The following EIF4G3 variants were observed in gnomAD, a reference collection of about 807,000 sequenced individuals.
The protein encoded by EIF4G3 is eukaryotic translation initiation factor 4 gamma 3.
In EIF4G3, 34 loss-of-function variants were observed where a neutral mutation model predicts 186.4. The observed-to-expected ratio is 0.18, with a 90% CI of 0.14 to 0.24. EIF4G3 has a LOEUF of 0.24. EIF4G3 is among the 10% of genes least tolerant of loss of function. The pLI, the probability that EIF4G3 is intolerant of heterozygous loss-of-function variation, is 1.00. For synonymous variants in EIF4G3, 673 were observed against 679.5 expected (o/e 0.99, Z 0.15); for missense variants, 1,536 against 1,948.5 (o/e 0.79, Z 3.99).
At chr1:21,067,559 G>C (rs2095291080) in intron 3 of EIF4G3, among the ~76,000 whole-genome samples, 1 of 151,948 alleles carries the variant, frequency 6.6e-6, no homozygotes, top group African/African-American at 2.4e-5. Flanking sequence ...TACCATGATG[G>C]GTAGAAAAAG....
chr1:21,174,447 T>TA (rs2098059934), intron 2 of EIF4G3, among the ~76,000 whole-genome samples: 2 of 152,222 alleles, frequency 1.3e-5, no homozygotes, highest in Non-Finnish European at 2.9e-5. Context: ...GGACACCTAC[T>TA]ACAGGTTTCC....
intron 12 of EIF4G3, among the ~76,000 whole-genome samples, chr1:20,960,749 C>A (rs1268710923): frequency 6.6e-6 from 1 of 152,064 alleles, no homozygotes; most frequent in African/African-American, 2.4e-5. Context: ...ACAGACAAGA[C>A]CCTGTCTCAA....
chr1:21,056,122 T>C (rs1401518102), intron 3 of EIF4G3, among the ~76,000 whole-genome samples: 1 of 152,162 alleles, frequency 6.6e-6, no homozygotes, highest in African/African-American at 2.4e-5. Context: ...CTTTCAGGGG[T>C]ATATCCCTAT....
chr1:20,857,268 A>T lies in EIF4G3; in HGVS notation c.3339+135T>A, dbSNP rs2075239059. 9 of 709,182 alleles carry T rather than the reference A, an allele frequency of 1.3e-5. No individual in the cohort carries two copies. In the East Asian group the frequency reaches 2.3e-4, roughly 18 times the overall value. The allele number at this position is 709,182 out of a possible 1,614,324, so 43.9% of individuals were successfully genotyped here. A position where few individuals can be genotyped will look rare whatever the true frequency, so the allele number is the denominator to read the frequency against. On this transcript the variant is annotated intron_variant, in intron 25 of 36. Coordinates refer to ENST00000602326, the MANE Select transcript of EIF4G3 (RefSeq NM_001391906.1). ...AAAAATAACCACCCCATGGATTTGCAATATTGCTGTTTTACTTTAATAAGT... is the reference window on the plus strand; with the variant it reads ...AAAAATAACCACCCCATGGATTTGCTATATTGCTGTTTTACTTTAATAAGT...
At chr1:21,052,899 C>T (rs1356179210) in intron 3 of EIF4G3, among the ~76,000 whole-genome samples, 2 of 152,260 alleles carry the variant, frequency 1.3e-5, no homozygotes, top group Non-Finnish European at 2.9e-5. Flanking sequence ...GGTGCCCAGG[C>T]TGGAGTGCAG....
chr1:21,016,900 C>T (rs577891515), intron 4 of EIF4G3, among the ~76,000 whole-genome samples: 3 of 150,412 alleles, frequency 2.0e-5, no homozygotes, highest in Admixed American at 6.6e-5. Context: ...ACCCAGGAGG[C>T]GGAGGTTGCA....
Position 21,089,169 on chromosome 1 carries a change from A to C in EIF4G3, c.-227T>G, listed in dbSNP as rs1280703513. The C allele has an allele frequency of 1.4e-6, 1 of 717,440 alleles. No individual in the cohort carries two copies. The allele number at this position is 717,440 out of a possible 1,614,324, so 44.4% of individuals were successfully genotyped here. On this transcript the variant is annotated 5_prime_UTR_variant, in exon 3 of 37. Coordinates refer to ENST00000602326, the MANE Select transcript of EIF4G3 (RefSeq NM_001391906.1). Reference sequence around the variant, plus strand: ...GTAGACTGCTGAGACAGCGGGAGTGAAGATTCGATCCTCAAGAGGTTGTTG... The same window carrying C: ...GTAGACTGCTGAGACAGCGGGAGTGCAGATTCGATCCTCAAGAGGTTGTTG...
chr1:20,923,347 T>C (rs1269778418), intron 14 of EIF4G3, among the ~76,000 whole-genome samples: 1 of 152,176 alleles, frequency 6.6e-6, no homozygotes, highest in Non-Finnish European at 1.5e-5. Flanking sequence ...CAAAGATGAC[T>C]CCAATGAGAC....
At chr1:20,848,008 C>T in intron 29 of EIF4G3, 1 of 354,480 alleles carries the variant, frequency 2.8e-6, no homozygotes, top group South Asian at 2.2e-5. Flanking sequence ...ACTCTGTCAC[C>T]CAGGATGGAA....
intron 2 of EIF4G3, among the ~76,000 whole-genome samples, chr1:21,169,063 T>G (rs2097910522): frequency 6.6e-6 from 1 of 151,534 alleles, no homozygotes; most frequent in Admixed American, 6.6e-5. Flanking sequence ...CCGAGCTCCT[T>G]GGGAGGCTGA....
intron 3 of EIF4G3, among the ~76,000 whole-genome samples, chr1:21,080,287 C>T (rs2095729734): frequency 6.6e-6 from 1 of 150,800 alleles, no homozygotes; most frequent in South Asian, 2.1e-4. Flanking sequence ...CTGCACTCCA[C>T]CATGGGCAAC....
chr1:21,015,270 G>A (rs1334520704), intron 4 of EIF4G3, among the ~76,000 whole-genome samples: 2 of 151,978 alleles, frequency 1.3e-5, no homozygotes, highest in Non-Finnish European at 1.5e-5. Context: ...TAACAGAACC[G>A]AAGGGACTTA....
intron 2 of EIF4G3, among the ~76,000 whole-genome samples, chr1:21,132,406 GTTCT>G (rs1157153426): frequency 6.6e-6 from 1 of 152,018 alleles, no homozygotes; most frequent in Non-Finnish European, 1.5e-5. Context: ...AAAAGAAAAG[GTTCT>G]TTCTGAATAG....
At chr1:20,889,945 T>C (rs911140694) in intron 18 of EIF4G3, among the ~76,000 whole-genome samples, 3 of 152,080 alleles carry the variant, frequency 2.0e-5, no homozygotes, top group Non-Finnish European at 2.9e-5. Context: ...AAATATTTTA[T>C]AGCAAGTCTG....
In EIF4G3 at chr1:21,101,290, G is replaced by A. The variant is rs541664520; in HGVS notation, c.-271-12077C>T. Among the ~76,000 whole-genome samples, 465 of 151,996 alleles carry A rather than the reference G, an allele frequency of 3.1e-3. 2 individuals carry two copies. Among genetic ancestry groups the A allele is most frequent in the African/African-American group, 0.01 (432 of 41,516 alleles). On this transcript the variant is annotated intron_variant, in intron 2 of 36. Coordinates refer to ENST00000602326, the MANE Select transcript of EIF4G3 (RefSeq NM_001391906.1). ...GCAGGATAAAATATGCAATAGGGCC[G>A]AGCACGGTGGCTCACGCCAGTAAAC...
chr1:20,810,134 A>G lies in EIF4G3; in HGVS notation c.4744+604T>C, dbSNP rs946176657. On this transcript the variant is annotated intron_variant, in intron 36 of 36. Transcript: ENST00000602326. The surrounding 1 kb of genome is among the most constrained non-coding windows in gnomAD (Gnocchi z 4.1). ...TGGGACTACAGGCACATGCCACCACACCTAGCCAATTTTTGTATTTTTGTA... is the reference window on the plus strand; with the variant it reads ...TGGGACTACAGGCACATGCCACCACGCCTAGCCAATTTTTGTATTTTTGTA... 2.0e-5 allele frequency among the ~76,000 whole-genome samples: 3 copies of G among 147,636 alleles called. No homozygotes were observed. The highest frequency in any genetic ancestry group is 6.8e-5 in the Admixed American group (1 of 14,806).
intron 30 of EIF4G3, among the ~76,000 whole-genome samples, chr1:20,838,447 A>G (rs2067412693): frequency 6.6e-6 from 1 of 152,236 alleles, no homozygotes; most frequent in African/African-American, 2.4e-5. Context: ...AGGAAATTAT[A>G]GTTTCAAGTC....
At chr1:20,903,580 G>A (rs373582122) in intron 15 of EIF4G3, among the ~76,000 whole-genome samples, 2 of 152,286 alleles carry the variant, frequency 1.3e-5, no homozygotes, top group African/African-American at 4.8e-5. Flanking sequence ...GGAGTGCAAT[G>A]ACTATTTGCA....
At chr1:21,019,378 C>A (rs1013257045) in intron 4 of EIF4G3, among the ~76,000 whole-genome samples, 1 of 152,168 alleles carries the variant, frequency 6.6e-6, no homozygotes, top group African/African-American at 2.4e-5. Context: ...CAAAGTAGAG[C>A]TGTTTAAACA....
Sources: gnomAD v4.1 joint callset for allele counts (sites outside exome capture counted in the v4.1 genomes callset) on GRCh38, gnomAD v4.1.1 for gene constraint, Gnocchi (gnomAD v3.1) non-coding constraint, MANE v1.5 for transcripts, NCBI Gene and HGNC (gene_info 2026-07-23, HGNC 2026-07-21) for gene names.